Variants in KLHL22 observed in about 807,000 individuals in gnomAD.
KLHL22 encodes kelch-like protein 22.
A neutral mutation model predicts 60.7 loss-of-function variants in KLHL22; 18 were observed. That is an observed-to-expected ratio of 0.30 (90% CI 0.20 to 0.44). KLHL22 has a LOEUF of 0.44. Among genes scored for constraint, KLHL22 ranks in the 20% least tolerant of loss-of-function variants. The probability of loss-of-function intolerance (pLI) is 1.00; values close to 1 mark genes in which losing one functional copy is unlikely to be tolerated. For synonymous variants in KLHL22, 355 were observed against 354.5 expected, an observed-to-expected ratio of 1.00 and a Z score of -0.01; for missense variants, 596 against 852.3, an observed-to-expected ratio of 0.70 and a Z score of 3.74.
chr22:20,480,320 G>A (rs1018073089), intron 2 of KLHL22, among the ~76,000 whole-genome samples: 8 of 152,188 alleles, frequency 5.3e-5, no homozygotes, highest in African/African-American at 1.9e-4. Flanking sequence ...TAGATGGTAA[G>A]TGTTATTTGT....
intron 5 of KLHL22, chr22:20,450,193 C>G (rs1319649943): frequency 1.2e-6 from 1 of 804,142 alleles, no homozygotes; most frequent in East Asian, 2.4e-5. Context: ...GTTCAATGAA[C>G]TCCGTTGGGA....
intron 4 of KLHL22, among the ~76,000 whole-genome samples, chr22:20,458,273 C>CTTTTT (rs35379911): frequency 8.9e-4 from 68 of 76,514 alleles, no homozygotes; most frequent in African/African-American, 1.8e-3. Flanking sequence ...TCCAATGGCT[C>CTTTTT]TTTTTTTTTT....
At chr22:20,458,468 T>TTTTTTTA (rs2053101850) in intron 4 of KLHL22, among the ~76,000 whole-genome samples, 2 of 145,618 alleles carry the variant, frequency 1.4e-5, no homozygotes, top group African/African-American at 2.6e-5. Context: ...TTTTTTTTTT[T>TTTTTTTA]GATAGAGACA....
Position 20,451,508 on chromosome 22 carries a change from C to T in KLHL22, c.1306-4832G>A, listed in dbSNP as rs1357584522. 4.4e-6 allele frequency: 7 copies of T among 1,597,408 alleles called. No individual in the cohort carries two copies. In the Admixed American group the frequency reaches 1.2e-4, roughly 27 times the overall value. Reference sequence around the variant, plus strand: ...GTTACACCAATGGCCACCAAGCGTTCTGGTGCAGGAGTAGCCCTGCTGAAT... The same window carrying T: ...GTTACACCAATGGCCACCAAGCGTTTTGGTGCAGGAGTAGCCCTGCTGAAT... On this transcript the variant is annotated intron_variant, in intron 5 of 6. Coordinates refer to ENST00000328879, the MANE Select transcript of KLHL22 (RefSeq NM_032775.4).
Position 20,465,710 on chromosome 22 carries a change from G to C in KLHL22, c.394-134C>G, listed in dbSNP as rs1314083667. On this transcript the variant is annotated intron_variant, in intron 3 of 6. Transcript: ENST00000328879. The surrounding 1 kb of genome is among the most constrained non-coding windows in gnomAD (Gnocchi z 4.9). ...AGGGAAGTCCTCCTTAATTGTCCCC[G>C]ACCTTTTCTGACACACTGGAGACTG... is the stretch of plus-strand genomic sequence containing the variant. 21 of 657,390 alleles carry C rather than the reference G, an allele frequency of 3.2e-5. No individual in the cohort carries two copies. Among genetic ancestry groups the C allele is most frequent in the Admixed American group, 1.4e-4 (6 of 42,192 alleles). The allele number at this position is 657,390 out of a possible 1,614,324, so 40.7% of individuals were successfully genotyped here.
At position 20,465,182 on chromosome 22, in the gene KLHL22, G is replaced by A. The variant is rs2146218106; in HGVS notation, c.788C>T (p.Pro263Leu). 6.2e-7 allele frequency: 1 copy of A among 1,613,866 alleles called. No individual in the cohort carries two copies. Among genetic ancestry groups the A allele is most frequent in the East Asian group, 2.2e-5 (1 of 44,886 alleles). ...VLQRLHDKLD[P>L]SPLRDTVASA... The stretch of plus-strand genomic sequence containing the variant: ...GGCCACTGTGTCCCTCAAAGGGCTG[G>A]GGTCCAGCTTGTCATGCAGCCGCTG... Residue 263 changes from proline to leucine, a missense_variant, in exon 4 of 7, where the codon CCC (proline) becomes CTC (leucine). Physicochemically the swap from Pro to Leu is moderately conservative, Grantham distance 98. Coordinates refer to ENST00000328879, the MANE Select transcript of KLHL22 (RefSeq NM_032775.4). The surrounding 1 kb of genome is among the most constrained non-coding windows in gnomAD (Gnocchi z 4.9).
intron 4 of KLHL22, among the ~76,000 whole-genome samples, chr22:20,462,120 CA>C (rs1238810124): frequency 6.7e-6 from 1 of 148,958 alleles, no homozygotes; most frequent in African/African-American, 2.5e-5. Context: ...AACAAAAAAA[CA>C]AAAAAATTAG....
intron 2 of KLHL22, among the ~76,000 whole-genome samples, chr22:20,484,669 C>G (rs1030888276): frequency 6.6e-6 from 1 of 150,998 alleles, no homozygotes; most frequent in Non-Finnish European, 1.5e-5. Flanking sequence ...TGGGCTCAAA[C>G]AATCTGCCCA....
rs16988440 is a variant in KLHL22, at chr22:20,450,210, A to G, written c.1306-3534T>C. The G allele has an allele frequency of 7.3e-3, 5,872 of 809,444 alleles. 225 individuals are homozygous for G. In the African/African-American group the frequency reaches 0.086, roughly 12 times the overall value. The allele number at this position is 809,444 out of a possible 1,614,324, so 50.1% of individuals were successfully genotyped here. On this transcript the variant is annotated intron_variant, in intron 5 of 6. Transcript: ENST00000328879. Reference sequence around the variant, plus strand: ...TCAATGAACTCCGTTGGGAAGAGCAATACCTTCTGTGATGTGACATTGAGT... The same window carrying G: ...TCAATGAACTCCGTTGGGAAGAGCAGTACCTTCTGTGATGTGACATTGAGT...
At chr22:20,470,195 T>A (rs1447248316) in intron 3 of KLHL22, among the ~76,000 whole-genome samples, 2 of 150,490 alleles carry the variant, frequency 1.3e-5, no homozygotes, top group Non-Finnish European at 3.0e-5. Flanking sequence ...TATATATATA[T>A]AATATCAGCT....
chr22:20,451,499 C>T, intron 5 of KLHL22: 2 of 1,599,904 alleles, frequency 1.3e-6, no homozygotes, highest in Middle Eastern at 3.9e-4. Context: ...CCAATGGCCA[C>T]CAAGCGTTCT....
chr22:20,464,004 C>T (rs138581031), intron 4 of KLHL22, among the ~76,000 whole-genome samples: 1 of 152,336 alleles, frequency 6.6e-6, no homozygotes, highest in East Asian at 1.9e-4. Flanking sequence ...CTCTCTCCAA[C>T]ACAGCTCCAT....
intron 1 of KLHL22, among the ~76,000 whole-genome samples, chr22:20,493,712 A>G (rs2053725423): frequency 6.6e-6 from 1 of 152,138 alleles, no homozygotes. Flanking sequence ...ACTGCATTCC[A>G]GCCTGCATGA....
At chr22:20,476,828 C>A (rs1227600612) in intron 2 of KLHL22, among the ~76,000 whole-genome samples, 1 of 151,662 alleles carries the variant, frequency 6.6e-6, no homozygotes, top group Non-Finnish European at 1.5e-5. Context: ...CCTGCCTCAG[C>A]CTCCCAAGTA....
chr22:20,483,325 C>A (rs572616091), intron 2 of KLHL22: 1 of 724,832 alleles, frequency 1.4e-6, no homozygotes. Context: ...TCGTTTCTTC[C>A]GAGCCAGCTC....
At chr22:20,485,996 G>A (rs565043570) in intron 2 of KLHL22, among the ~76,000 whole-genome samples, 245 of 151,422 alleles carry the variant, frequency 1.6e-3, no homozygotes, top group Non-Finnish European at 2.7e-3. Context: ...GTGAAACCCT[G>A]TCTCTACTAA....
intron 5 of KLHL22, among the ~76,000 whole-genome samples, chr22:20,453,486 G>A (rs1341347988): frequency 2.6e-5 from 4 of 151,980 alleles, no homozygotes; most frequent in Non-Finnish European, 5.9e-5. Context: ...AGGTCTGTGG[G>A]TTTTCCATTC....
rs2053635594 is a variant in KLHL22 at position 20,488,982 on chromosome 22, C to T, written c.227+3G>A. 6.2e-7 allele frequency: 1 copy of T among 1,613,400 alleles called. No homozygotes were observed. Among genetic ancestry groups the T allele is most frequent in the South Asian group, 1.1e-5 (1 of 91,036 alleles). On this transcript the variant is annotated splice_donor_region_variant and intron_variant, in intron 2 of 6. Coordinates refer to ENST00000328879, the MANE Select transcript of KLHL22 (RefSeq NM_032775.4). ...TTCTTACAAACAGCTCTAGTGAACT[C>T]ACCTGAAGTAATCGCAGGACGCAGC...
At chr22:20,460,610 C>A (rs1329869679) in intron 4 of KLHL22, among the ~76,000 whole-genome samples, 512 of 9,446 alleles carry the variant, frequency 0.054, 214 homozygotes, top group East Asian at 0.38. Context: ...CTCCATCCCC[C>A]AAAAAAAAAA....
Sources: allele counts gnomAD v4.1 joint callset (sites outside exome capture counted in the v4.1 genomes callset), GRCh38; gene constraint gnomAD v4.1.1; non-coding constraint Gnocchi (gnomAD v3.1); transcripts MANE v1.5; gene names NCBI Gene and HGNC (gene_info 2026-07-23, HGNC 2026-07-21).